The following BMP8A variants were observed in gnomAD, a reference collection of about 807,000 sequenced individuals.
BMP8A encodes the protein BMP-8A.
In BMP8A, 14 loss-of-function variants were observed where a neutral mutation model predicts 36.8. That is an observed-to-expected ratio of 0.38 (90% CI 0.25 to 0.60). The LOEUF (loss-of-function observed/expected upper bound fraction) is 0.60. BMP8A is among the 20% of genes least tolerant of loss of function. The probability of loss-of-function intolerance (pLI) is 0.63; values close to 1 mark genes in which losing one functional copy is unlikely to be tolerated. For missense variants in BMP8A, 267 were observed against 551.1 expected, an observed-to-expected ratio of 0.48 and a Z score of 5.16; for synonymous variants, 120 against 237.7, an observed-to-expected ratio of 0.50 and a Z score of 4.55.
chr1:39,509,124 G>A (rs544558789), intron 1 of BMP8A, among the ~76,000 whole-genome samples: 1 of 152,278 alleles, frequency 6.6e-6, no homozygotes, highest in African/African-American at 2.4e-5. Flanking sequence ...ACACCACTGA[G>A]CCCCAGGACC....
intron 1 of BMP8A, among the ~76,000 whole-genome samples, chr1:39,500,802 G>A (rs904834155): frequency 1.1e-4 from 16 of 151,816 alleles, no homozygotes; most frequent in African/African-American, 2.7e-4. Flanking sequence ...ACAGGTGCCC[G>A]CCACCACACC....
chr1:39,503,508 CTTTTTTTTTTTT>C (rs35892449), intron 1 of BMP8A, among the ~76,000 whole-genome samples: 2 of 69,960 alleles, frequency 2.9e-5, no homozygotes, highest in Admixed American at 4.0e-4. Flanking sequence ...TACAGTCTTT[CTTTTTTTTTTTT>C]TTTTTTTTTT....
chr1:39,502,083 C>A (rs1557686769), intron 1 of BMP8A, among the ~76,000 whole-genome samples: 1 of 151,986 alleles, frequency 6.6e-6, no homozygotes, highest in Admixed American at 6.6e-5. Context: ...ACTGAAAATA[C>A]AAAAGTTAGC....
At chr1:39,523,538 G>T in intron 6 of BMP8A, 1 of 1,383,394 alleles carries the variant, frequency 7.2e-7, no homozygotes, top group South Asian at 1.7e-5. Flanking sequence ...ACAGTGTGTG[G>T]GGTGTGCGTG....
In BMP8A at chr1:39,523,125, C is replaced by T. The variant is rs768307010; in HGVS notation, c.1059+8C>T. The T allele has an allele frequency of 3.7e-6, 6 of 1,613,214 alleles. No individual in the cohort carries two copies. In the Admixed American group the frequency reaches 5.0e-5, roughly 13 times the overall value. ...GCCATCCTGCAGTCCCTGGTCAGTA[C>T]CGTGCCCATCCTGCCCAGCCCCCTG... On this transcript the variant is annotated splice_region_variant and intron_variant, in intron 6 of 6. Coordinates refer to ENST00000331593, the MANE Select transcript of BMP8A (RefSeq NM_181809.4).
At chr1:39,493,903 A>G (rs1645182775) in intron 1 of BMP8A, among the ~76,000 whole-genome samples, 1 of 152,194 alleles carries the variant, frequency 6.6e-6, no homozygotes, top group African/African-American at 2.4e-5. Flanking sequence ...CCCAGCCCAC[A>G]TCCGACCTCC....
At position 39,525,844 on chromosome 1, in the gene BMP8A, G is replaced by A. The variant is rs753278572; in HGVS notation, c.*46G>A. ...TGCAGCCACCCTTCTCATCTGGATC[G>A]GGCCCTGCAGAGGCAGAAAACCCTT... On this transcript the variant is annotated 3_prime_UTR_variant, in exon 7 of 7. Transcript: ENST00000331593. 3.5e-5 allele frequency: 57 copies of A among 1,610,032 alleles called. 1 individual carries two copies. Among genetic ancestry groups the A allele is most frequent in the Middle Eastern group, 3.3e-4 (2 of 6,056 alleles).
At chr1:39,510,448 G>A (rs547810947) in intron 1 of BMP8A, among the ~76,000 whole-genome samples, 26 of 140,114 alleles carry the variant, frequency 1.9e-4, no homozygotes, top group African/African-American at 6.2e-4. Flanking sequence ...TCCTTTCCAC[G>A]TTTCCCTTCT....
rs1645495135 is a variant in BMP8A, at chr1:39,527,529, T to C, written c.*1731T>C. Among the ~76,000 whole-genome samples the C allele has an allele frequency of 6.6e-6, 1 of 152,172 alleles. No homozygotes were observed. The highest frequency in any genetic ancestry group is 2.1e-4 in the South Asian group (1 of 4,830). On this transcript the variant is annotated 3_prime_UTR_variant, in exon 7 of 7. Coordinates refer to ENST00000331593, the MANE Select transcript of BMP8A (RefSeq NM_181809.4). Reference sequence around the variant, plus strand: ...CCCCAGGGAGGGGCCTGGGGAGAGCTGGTCCAGCAGCAGGGGTGGAGGCTG... The same window carrying C: ...CCCCAGGGAGGGGCCTGGGGAGAGCCGGTCCAGCAGCAGGGGTGGAGGCTG...
chr1:39,517,463 G>A (rs1389911854), intron 3 of BMP8A, among the ~76,000 whole-genome samples: 2 of 151,766 alleles, frequency 1.3e-5, no homozygotes, highest in Non-Finnish European at 1.5e-5. Context: ...TTACAGGCAT[G>A]TGCCACCATG....
chr1:39,515,396 G>A (rs900533500), intron 3 of BMP8A: 23 of 793,068 alleles, frequency 2.9e-5, no homozygotes, highest in African/African-American at 6.0e-5. Flanking sequence ...GCATCCGCGC[G>A]GGGGGCGCCG....
intron 1 of BMP8A, among the ~76,000 whole-genome samples, chr1:39,506,296 G>A (rs993631158): frequency 3.9e-5 from 6 of 152,052 alleles, no homozygotes; most frequent in African/African-American, 1.4e-4. Context: ...TGCAACCTCT[G>A]CCTCCCAGGT....
At chr1:39,508,365 T>G (rs558800029) in intron 1 of BMP8A, among the ~76,000 whole-genome samples, 1 of 152,334 alleles carries the variant, frequency 6.6e-6, no homozygotes, top group Non-Finnish European at 1.5e-5. Flanking sequence ...ATTGTCACTT[T>G]GATACTTTAA....
At chr1:39,499,403 C>T (rs141712924) in intron 1 of BMP8A, among the ~76,000 whole-genome samples, 2 of 152,376 alleles carry the variant, frequency 1.3e-5, no homozygotes, top group South Asian at 2.1e-4. Flanking sequence ...GGACAGGTCA[C>T]AGGCCACAGG....
intron 1 of BMP8A, among the ~76,000 whole-genome samples, chr1:39,498,715 T>C (rs1645227389): frequency 2.0e-5 from 3 of 152,024 alleles, no homozygotes; most frequent in Admixed American, 6.5e-5. Flanking sequence ...AAGCCTTCTT[T>C]TGGGTCTGAA....
intron 1 of BMP8A, among the ~76,000 whole-genome samples, chr1:39,504,892 A>G (rs1461361427): frequency 1.3e-5 from 2 of 151,758 alleles, no homozygotes; most frequent in South Asian, 2.1e-4. Context: ...AAAAAGTTTA[A>G]GGAAAGTTGC....
chr1:39,518,065 A>G (rs533970798), intron 3 of BMP8A, among the ~76,000 whole-genome samples: 24 of 151,908 alleles, frequency 1.6e-4, no homozygotes, highest in Non-Finnish European at 2.9e-4. Context: ...TTTCCTCCTG[A>G]ATCTATAGTC....
At position 39,519,947 on chromosome 1, in the gene BMP8A, ATCAGGAAATT is replaced by A. The variant is rs1202452681; in HGVS notation, c.674-1425_674-1416del. 7.0e-5 allele frequency among the ~76,000 whole-genome samples: 8 copies of A among 114,576 alleles called. No homozygotes were observed. In the Admixed American group the frequency reaches 7.3e-4, roughly 11 times the overall value. The allele number at this position is 114,576 out of a possible 152,430, so 75.2% of individuals were successfully genotyped here. On this transcript the variant is annotated intron_variant, in intron 3 of 6. Transcript: ENST00000331593. ...GGTAATCATGCTTCTGCAATTCAGT[ATCAGGAAATT>A]TCACCCATGCACGGAGTGAAGAGGC... is the stretch of plus-strand genomic sequence containing the variant.
chr1:39,523,197 G>A, intron 6 of BMP8A, 80 bp downstream of exon 6: 2 of 1,487,382 alleles, frequency 1.3e-6, no homozygotes, highest in Non-Finnish European at 1.9e-6. Flanking sequence ...CAGCCGGGAG[G>A]GCAGTGAGGC....
Sources: gnomAD v4.1 joint callset for allele counts (sites outside exome capture counted in the v4.1 genomes callset) on GRCh38, gnomAD v4.1.1 for gene constraint, MANE v1.5 for transcripts, NCBI Gene and HGNC (gene_info 2026-07-23, HGNC 2026-07-21) for gene names.